The following TGFBR3 variants were observed in gnomAD, a reference collection of about 807,000 sequenced individuals.
The protein encoded by TGFBR3 is transforming growth factor beta receptor 3.
Under a neutral mutation model 87.9 loss-of-function variants are expected in TGFBR3, and 46 were observed. That is an observed-to-expected ratio of 0.52 (90% CI 0.41 to 0.67). The LOEUF (loss-of-function observed/expected upper bound fraction) is 0.67. TGFBR3 is among the 30% of genes least tolerant of loss of function. The probability of loss-of-function intolerance (pLI) is 0.00; values close to 1 mark genes in which losing one functional copy is unlikely to be tolerated. For synonymous variants in TGFBR3, 381 were observed against 391.6 expected, an observed-to-expected ratio of 0.97 and a Z score of 0.32; for missense variants, 866 against 1,041.9, an observed-to-expected ratio of 0.83 and a Z score of 2.32.
rs1670916949 is a variant in TGFBR3, at chr1:91,681,797, T to C, written c.*1942A>G. ...AGACATCTTTAAACTTTTTTATACA[T>C]AGAATATGCTGAAACAATACATTCC... is the stretch of plus-strand genomic sequence containing the variant. On this transcript the variant is annotated 3_prime_UTR_variant, in exon 17 of 17. Transcript: ENST00000212355. 2.2e-6 allele frequency: 1 copy of C among 450,052 alleles called. No individual in the cohort carries two copies. The highest frequency in any genetic ancestry group is 4.4e-6 in the Non-Finnish European group (1 of 225,900). The allele number at this position is 450,052 out of a possible 1,614,324, so 27.9% of individuals were successfully genotyped here.
chr1:91,760,634 C>T (rs1673925087), intron 3 of TGFBR3, among the ~76,000 whole-genome samples: 1 of 152,170 alleles, frequency 6.6e-6, no homozygotes, highest in Non-Finnish European at 1.5e-5. Context: ...CTGTCATGAG[C>T]TATTTCTGCA....
chr1:91,688,150 C>T lies in TGFBR3; in HGVS notation c.2438-4293G>A, dbSNP rs183396834. 5.3e-5 allele frequency among the ~76,000 whole-genome samples: 8 copies of T among 152,182 alleles called. No homozygotes were observed. In the East Asian group the frequency reaches 1.2e-3, roughly 22 times the overall value. On this transcript the variant is annotated intron_variant, in intron 16 of 16. Transcript: ENST00000212355. Reference sequence around the variant, plus strand: ...GTGAGTTAGATGTTGTTAGAAGTCACGGGGAAAAGACTATATCAAGAATTA... The same window carrying T: ...GTGAGTTAGATGTTGTTAGAAGTCATGGGGAAAAGACTATATCAAGAATTA...
chr1:91,792,347 T>G (rs532814000), intron 3 of TGFBR3, among the ~76,000 whole-genome samples: 2 of 152,198 alleles, frequency 1.3e-5, no homozygotes, highest in Non-Finnish European at 1.5e-5. Context: ...TTATTAAACC[T>G]GGCCCCTTTC....
chr1:91,692,019 A>T (rs12040094), intron 16 of TGFBR3, among the ~76,000 whole-genome samples: 7 of 152,052 alleles, frequency 4.6e-5, no homozygotes, highest in African/African-American at 9.7e-5. Flanking sequence ...AAGAAAAAAA[A>T]GAAAAGAAAA....
intron 2 of TGFBR3, among the ~76,000 whole-genome samples, chr1:91,815,565 G>A (rs1676192581): frequency 6.6e-6 from 1 of 152,152 alleles, no homozygotes. Context: ...TGGGAGCACA[G>A]AGGAAAGAAC....
At chr1:91,779,847 G>A (rs1222134917) in intron 3 of TGFBR3, among the ~76,000 whole-genome samples, 3 of 152,192 alleles carry the variant, frequency 2.0e-5, no homozygotes, top group African/African-American at 4.8e-5. Flanking sequence ...GAGGCCAGAA[G>A]TCCAAAATCA....
At chr1:91,841,763 C>G (rs907087122) in intron 2 of TGFBR3, among the ~76,000 whole-genome samples, 5 of 142,248 alleles carry the variant, frequency 3.5e-5, no homozygotes, top group Admixed American at 7.8e-5. Flanking sequence ...CACTGCACTC[C>G]AGCCTGGGCA....
intron 10 of TGFBR3, among the ~76,000 whole-genome samples, chr1:91,717,285 T>C (rs969771851): frequency 6.6e-6 from 1 of 152,184 alleles, no homozygotes; most frequent in Non-Finnish European, 1.5e-5. Flanking sequence ...ATGTTTACTA[T>C]GGAGCACATC....
intron 16 of TGFBR3, among the ~76,000 whole-genome samples, chr1:91,685,716 G>A (rs17131522): frequency 0.16 from 24,897 of 152,062 alleles, 2,377 homozygotes; most frequent in South Asian, 0.31. Context: ...TAAGGCTGGG[G>A]AAATTAGCCT....
intron 3 of TGFBR3, among the ~76,000 whole-genome samples, chr1:91,789,414 T>C (rs1355999725): frequency 1.3e-5 from 2 of 152,206 alleles, no homozygotes. Flanking sequence ...CATTACCTCA[T>C]TCTAAAAAGG....
chr1:91,683,691 G>A lies in TGFBR3; in HGVS notation c.*48C>T. 6.8e-7 allele frequency: 1 copy of A among 1,468,440 alleles called. No individual in the cohort carries two copies. Among genetic ancestry groups the A allele is most frequent in the Non-Finnish European group, 9.2e-7 (1 of 1,087,638 alleles). 91.0% of individuals were successfully genotyped at this position (1,468,440 alleles called of 1,614,324 possible). A position where few individuals can be genotyped will look rare whatever the true frequency, so the allele number is the denominator to read the frequency against. On this transcript the variant is annotated 3_prime_UTR_variant, in exon 17 of 17. Transcript: ENST00000212355. ...ATTGGTCCTGCCCTTGGCAGTAGCTGAGCTGAGCTGGGCTGGGCTGGGTTG... is the reference window on the plus strand; with the variant it reads ...ATTGGTCCTGCCCTTGGCAGTAGCTAAGCTGAGCTGGGCTGGGCTGGGTTG...
chr1:91,752,216 C>T (rs1236553613), intron 4 of TGFBR3, among the ~76,000 whole-genome samples: 1 of 152,140 alleles, frequency 6.6e-6, no homozygotes, highest in Non-Finnish European at 1.5e-5. Context: ...ACAATGAATA[C>T]TTTTTCAGTA....
At chr1:91,750,775 G>C (rs1673511982) in intron 4 of TGFBR3, among the ~76,000 whole-genome samples, 2 of 152,210 alleles carry the variant, frequency 1.3e-5, no homozygotes, top group South Asian at 4.1e-4. Flanking sequence ...TTCTGGCCGA[G>C]CCAAGAGCTG....
intron 1 of TGFBR3, among the ~76,000 whole-genome samples, chr1:91,884,441 T>C (rs1679215102): frequency 6.6e-6 from 1 of 152,182 alleles, no homozygotes; most frequent in Admixed American, 6.5e-5. Context: ...ATCGCCTAAA[T>C]TCATCACAGA....
At position 91,734,809 on chromosome 1, in the gene TGFBR3, T is replaced by C. The variant is rs1483189513; in HGVS notation, c.535A>G (p.Ile179Val). 1 of 1,614,222 alleles carries C rather than the reference T, an allele frequency of 6.2e-7. No individual in the cohort carries two copies. Among genetic ancestry groups the C allele is most frequent in the Non-Finnish European group, 8.5e-7 (1 of 1,180,016 alleles). Reference sequence around the variant, plus strand: ...ACTTTAATATAAATGTTTCTTGCTATCTTGAGTTCGGTGAATGAAGTAACT... The same window carrying C: ...ACTTTAATATAAATGTTTCTTGCTACCTTGAGTTCGGTGAATGAAGTAACT... ...GAVTSFTELK[I>V]ARNIYIKVGE... The change falls in exon 5 of 17, where the codon ATA (isoleucine) becomes GTA (valine). Residue 179 changes from isoleucine (I) to valine (V), a missense_variant. Transcript: ENST00000212355.
In TGFBR3 at chr1:91,770,690, T is replaced by C. The variant is rs17878451; in HGVS notation, c.247-11940A>G. On this transcript the variant is annotated intron_variant, in intron 3 of 16. Transcript: ENST00000212355. ...TATACAATTCCCATTAGCAAATTTA[T>C]AGAAAAATCCTTCAGACCTCTGTTA... Among the ~76,000 whole-genome samples the C allele has an allele frequency of 6.0e-3, 907 of 152,336 alleles. 6 individuals are homozygous for C. The highest frequency in any genetic ancestry group is 0.02 in the African/African-American group (851 of 41,574).
chr1:91,832,819 A>C (rs917895703), intron 2 of TGFBR3, among the ~76,000 whole-genome samples: 1 of 152,094 alleles, frequency 6.6e-6, no homozygotes, highest in Non-Finnish European at 1.5e-5. Context: ...CCTGGCCAAC[A>C]TGGCGAAACC....
chr1:91,695,115 T>C (rs1671386170), intron 16 of TGFBR3, among the ~76,000 whole-genome samples: 1 of 151,862 alleles, frequency 6.6e-6, no homozygotes, highest in Non-Finnish European at 1.5e-5. Flanking sequence ...CATCACTTTT[T>C]TTTTTTTTTT....
intron 2 of TGFBR3, among the ~76,000 whole-genome samples, chr1:91,850,406 G>T (rs1476475947): frequency 6.6e-6 from 1 of 152,194 alleles, no homozygotes; most frequent in Non-Finnish European, 1.5e-5. Flanking sequence ...CAACATAATT[G>T]TCATGCACAG....
Sources: allele counts gnomAD v4.1 joint callset (sites outside exome capture counted in the v4.1 genomes callset), GRCh38; gene constraint gnomAD v4.1.1; transcripts MANE v1.5; gene names NCBI Gene and HGNC (gene_info 2026-07-23, HGNC 2026-07-21).